Variants in BICRA observed in about 807,000 individuals in gnomAD.
BICRA encodes the protein BRD4 interacting chromatin remodeling complex associated protein, also known as BRD4-interacting chromatin-remodeling complex-associated protein.
In BICRA, 31 loss-of-function variants were observed where a neutral mutation model predicts 96.9. The observed-to-expected ratio is 0.32, with a 90% CI of 0.24 to 0.43. BICRA has a LOEUF of 0.43. BICRA is among the 20% of genes least tolerant of loss of function. BICRA has a pLI of 1.00. For missense variants in BICRA, 2,283 were observed against 2,190.3 expected (o/e 1.04, Z -0.84); for synonymous variants, 1,350 against 1,071.8 (o/e 1.26, Z -5.07).
At chr19:47,652,434 C>T (rs1421137144) in intron 1 of BICRA, among the ~76,000 whole-genome samples, 1 of 152,170 alleles carries the variant, frequency 6.6e-6, no homozygotes, top group East Asian at 1.9e-4. Context: ...AGTGATCCTG[C>T]TCTCTTGGCT....
chr19:47,621,717 C>T (rs1389434938), intron 1 of BICRA, among the ~76,000 whole-genome samples: 3 of 152,060 alleles, frequency 2.0e-5, no homozygotes, highest in Admixed American at 6.6e-5. Flanking sequence ...TGATCACTGG[C>T]GTCCGCCTCC....
intron 10 of BICRA, 70 bp downstream of exon 10, chr19:47,695,544 A>G: frequency 2.7e-6 from 2 of 735,398 alleles, no homozygotes; most frequent in Non-Finnish European, 4.8e-6. Context: ...TGGGGCTGGC[A>G]GGGGCAGGGA....
At position 47,702,451 on chromosome 19, in the gene BICRA, C is replaced by T. The variant is rs1599876793; in HGVS notation, c.*36C>T. Reference sequence around the variant, plus strand: ...CCTCCCCTTCCCCGTCCCCTCCTCCCGAAGACGCCGGGACAGTCGGGTGTC... The same window carrying T: ...CCTCCCCTTCCCCGTCCCCTCCTCCTGAAGACGCCGGGACAGTCGGGTGTC... On this transcript the variant is annotated 3_prime_UTR_variant, in exon 15 of 15. Transcript: ENST00000594866. 15 of 1,444,298 alleles carry T rather than the reference C, an allele frequency of 1.0e-5. No individual in the cohort carries two copies. The highest frequency in any genetic ancestry group is 2.5e-4 in the Middle Eastern group (1 of 4,072). 89.5% of individuals were successfully genotyped at this position (1,444,298 alleles called of 1,614,324 possible).
chr19:47,608,433 T>TC (rs1262700582), upstream of BICRA: 1 of 152,052 alleles, frequency 6.6e-6, no homozygotes, highest in African/African-American at 2.4e-5. Flanking sequence ...CATCCTCGAC[T>TC]CCCGCTATCT....
chr19:47,702,461 GGGACAGTC>G lies in BICRA; in HGVS notation c.*49_*56del. On this transcript the variant is annotated 3_prime_UTR_variant, in exon 15 of 15. Coordinates refer to ENST00000594866, the MANE Select transcript of BICRA (RefSeq NM_001394372.1). Reference sequence around the variant, plus strand: ...CCCGTCCCCTCCTCCCGAAGACGCCGGGACAGTCGGGTGTCCGCCCTCAGCCTCCTGGG... The same window carrying G: ...CCCGTCCCCTCCTCCCGAAGACGCCGGGGTGTCCGCCCTCAGCCTCCTGGG... 4.9e-6 allele frequency: 7 copies of G among 1,426,814 alleles called. No individual in the cohort carries two copies. Among genetic ancestry groups the G allele is most frequent in the Non-Finnish European group, 5.4e-6 (6 of 1,101,708 alleles). The allele number at this position is 1,426,814 out of a possible 1,614,324, so 88.4% of individuals were successfully genotyped here. A position where few individuals can be genotyped will look rare whatever the true frequency, so the allele number is the denominator to read the frequency against.
intron 7 of BICRA, among the ~76,000 whole-genome samples, chr19:47,683,133 T>C (rs1050082009): frequency 6.6e-6 from 1 of 152,224 alleles, no homozygotes; most frequent in Non-Finnish European, 1.5e-5. Flanking sequence ...TGTCGTTTTG[T>C]AGGGTAAGTT....
At chr19:47,696,638 A>C (rs1973347742) in intron 11 of BICRA, 126 bp downstream of exon 11, 1 of 794,694 alleles carries the variant, frequency 1.3e-6, no homozygotes, top group Non-Finnish European at 2.0e-6. Context: ...ACCTCTTGGT[A>C]GCGATGTAGT....
intron 9 of BICRA, 34 bp downstream of exon 9, chr19:47,695,114 CGGGGCCTGAA>C: frequency 7.1e-7 from 1 of 1,406,476 alleles, no homozygotes; most frequent in Non-Finnish European, 9.5e-7. Context: ...CCCAGGGAGA[CGGGGCCTGAA>C]GATGGGTGGG....
At chr19:47,652,767 T>TG (rs764030202) in intron 1 of BICRA, among the ~76,000 whole-genome samples, 11 of 152,228 alleles carry the variant, frequency 7.2e-5, no homozygotes, top group Admixed American at 1.3e-4. Flanking sequence ...AACTATGCAG[T>TG]GGAACACCTC....
intron 1 of BICRA, among the ~76,000 whole-genome samples, chr19:47,627,762 G>GT (rs1972161822): frequency 6.6e-6 from 1 of 152,134 alleles, no homozygotes; most frequent in East Asian, 1.9e-4. Flanking sequence ...TTTTTTGTTT[G>GT]TTTGTTTTGT....
chr19:47,628,105 T>A (rs1238952759), intron 1 of BICRA, among the ~76,000 whole-genome samples: 7 of 152,020 alleles, frequency 4.6e-5, no homozygotes, highest in Non-Finnish European at 1.0e-4. Flanking sequence ...TGTTGTGGAG[T>A]GACTGGCACA....
intron 7 of BICRA, among the ~76,000 whole-genome samples, chr19:47,689,294 G>A (rs997601506): frequency 6.6e-6 from 1 of 151,230 alleles, no homozygotes; most frequent in Non-Finnish European, 1.5e-5. Flanking sequence ...TCCAGAGACA[G>A]GGTCTTGCTC....
chr19:47,618,729 G>A (rs143167608), intron 1 of BICRA, among the ~76,000 whole-genome samples: 93 of 152,316 alleles, frequency 6.1e-4, no homozygotes, highest in African/African-American at 1.9e-3. Flanking sequence ...CCTTGGGAAC[G>A]GAGTGAGCGG....
chr19:47,669,298 T>C (rs1972828355), intron 1 of BICRA, among the ~76,000 whole-genome samples: 2 of 152,030 alleles, frequency 1.3e-5, no homozygotes, highest in African/African-American at 4.8e-5. Flanking sequence ...ATAGATTAAA[T>C]AAGATGGCTT....
At chr19:47,611,042 A>T (rs1442440645) in intron 1 of BICRA, among the ~76,000 whole-genome samples, 1 of 152,162 alleles carries the variant, frequency 6.6e-6, no homozygotes, top group Non-Finnish European at 1.5e-5. Context: ...CGGGACAGAC[A>T]TTCCCGTTTT....
chr19:47,700,878 A>T (rs560464335), intron 14 of BICRA: 1 of 166,036 alleles, frequency 6.0e-6, no homozygotes, highest in African/African-American at 2.4e-5. Context: ...CCCCATTTTT[A>T]AAAAGTTATG....
chr19:47,677,552 C>G (rs555847890), intron 5 of BICRA, among the ~76,000 whole-genome samples: 5 of 151,956 alleles, frequency 3.3e-5, no homozygotes, highest in African/African-American at 4.8e-5. Flanking sequence ...CAAAATTAGC[C>G]GGGCATGGTG....
intron 1 of BICRA, chr19:47,626,180 A>C (rs1355334952): frequency 2.6e-5 from 4 of 152,170 alleles, no homozygotes; most frequent in Non-Finnish European, 5.9e-5. Flanking sequence ...GGCTCGCCCC[A>C]GCTTGGTTCT....
chr19:47,701,729 C>A lies in BICRA; in HGVS notation c.3997C>A (p.Pro1333Thr). ...HNTALDPVHQ[P>T]PPPPATLKVA... Reference sequence around the variant, plus strand: ...CACGGCCCTGGACCCCGTGCACCAGCCCCCGCCACCCCCCGCTACCCTCAA... The same window carrying A: ...CACGGCCCTGGACCCCGTGCACCAGACCCCGCCACCCCCCGCTACCCTCAA... Residue 1333 changes from proline (P) to threonine (T), a missense_variant, in exon 15 of 15, where the codon CCC becomes ACC. Transcript: ENST00000594866. This position sits in a 1 kb window ranked among gnomAD's most constrained non-coding sequence, Gnocchi z 5.4. 6.4e-7 allele frequency: 1 copy of A among 1,563,188 alleles called. No individual in the cohort carries two copies. The highest frequency in any genetic ancestry group is 1.4e-5 in the African/African-American group (1 of 73,770).
Sources: allele counts gnomAD v4.1 joint callset (sites outside exome capture counted in the v4.1 genomes callset), GRCh38; gene constraint gnomAD v4.1.1; non-coding constraint Gnocchi (gnomAD v3.1); transcripts MANE v1.5; gene names NCBI Gene and HGNC (gene_info 2026-07-23, HGNC 2026-07-21).